Variants in LETM1 observed in about 807,000 individuals in gnomAD.
LETM1 encodes mitochondrial proton/calcium exchanger protein.
Under a neutral mutation model 74.5 loss-of-function variants are expected in LETM1, and 50 were observed. The observed-to-expected ratio is 0.67, with a 90% CI of 0.53 to 0.85. The LOEUF (loss-of-function observed/expected upper bound fraction) is 0.85, where lower values mean the gene tolerates loss of function less well. Among genes scored for constraint, LETM1 ranks in the 40% least tolerant of loss-of-function variants. The pLI is 0.00. For synonymous variants in LETM1, 446 were observed against 407.1 expected (o/e 1.10, Z -1.15); for missense variants, 824 against 967.8 (o/e 0.85, Z 1.97).
intron 6 of LETM1, among the ~76,000 whole-genome samples, chr4:1,830,788 C>T (rs1712238115): frequency 6.6e-6 from 1 of 152,144 alleles, no homozygotes; most frequent in South Asian, 2.1e-4. Flanking sequence ...CTCTAACTGT[C>T]ATCTCAGGGT....
rs1411521694 is a variant in LETM1, at chr4:1,816,899, T to G, written c.1759A>C (p.Lys587Gln). The part of the protein sequence containing the change: ...QDYSEDLQEI[K>Q]KELSKTGEEK... ...TCACCAGTCTTTGAAAGTTCCTTCTTGATCTCCTGCAAGTCCTAATAAAAT... is the reference window on the plus strand; with the variant it reads ...TCACCAGTCTTTGAAAGTTCCTTCTGGATCTCCTGCAAGTCCTAATAAAAT... The change falls in exon 12 of 14, where the codon AAG (lysine) becomes CAG (glutamine). Residue 587 changes from lysine to glutamine, a missense_variant. Physicochemically the swap from Lys to Gln is moderately conservative, Grantham distance 53. Around this residue, in one of 4 missense-constraint regions of LETM1, gnomAD observed 161 missense variants for 252.7 expected, o/e 0.64. Transcript: ENST00000302787. The G allele has an allele frequency of 1.2e-5, 20 of 1,613,012 alleles. No individual in the cohort carries two copies. Among genetic ancestry groups the G allele is most frequent in the Non-Finnish European group, 1.6e-5 (19 of 1,179,238 alleles).
At chr4:1,827,274 CTT>C (rs759264558) in intron 6 of LETM1, among the ~76,000 whole-genome samples, 4,899 of 103,684 alleles carry the variant, frequency 0.047, 278 homozygotes, top group African/African-American at 0.16. Flanking sequence ...ATTGACAGTT[CTT>C]TTTTTTTTTT....
At chr4:1,845,032 G>T (rs903469591) in intron 2 of LETM1, among the ~76,000 whole-genome samples, 1 of 150,860 alleles carries the variant, frequency 6.6e-6, no homozygotes. Flanking sequence ...TTTACTAAAA[G>T]TACAAAAATT....
At chr4:1,837,763 G>A (rs1577321770) in intron 3 of LETM1, among the ~76,000 whole-genome samples, 1 of 138,790 alleles carries the variant, frequency 7.2e-6, no homozygotes, top group South Asian at 2.2e-4. Flanking sequence ...GAGTGCAATC[G>A]CCTGATCTTG....
At chr4:1,847,905 A>T (rs1029892202) in intron 2 of LETM1, among the ~76,000 whole-genome samples, 1 of 150,856 alleles carries the variant, frequency 6.6e-6, no homozygotes, top group Non-Finnish European at 1.5e-5. Flanking sequence ...GCTGAGGCAG[A>T]TAACTGCTTG....
In LETM1 at chr4:1,813,491, G is replaced by C. The variant is rs1722527717; in HGVS notation, c.*933C>G. 6.6e-6 allele frequency: 1 copy of C among 152,374 alleles called. No individual in the cohort carries two copies. The highest frequency in any genetic ancestry group is 2.4e-5 in the African/African-American group (1 of 41,478). 9.4% of individuals were successfully genotyped at this position (152,374 alleles called of 1,614,324 possible). A position where few individuals can be genotyped will look rare whatever the true frequency, so the allele number is the denominator to read the frequency against. Reference sequence around the variant, plus strand: ...CCCTAAGCACGGGGGTATTGCCCTTGAAGCCCCAGGGGATGCCCTGTGCCG... The same window carrying C: ...CCCTAAGCACGGGGGTATTGCCCTTCAAGCCCCAGGGGATGCCCTGTGCCG... On this transcript the variant is annotated 3_prime_UTR_variant, in exon 14 of 14. Transcript: ENST00000302787.
Position 1,814,040 on chromosome 4 carries a change from C to G in LETM1, c.*384G>C. On this transcript the variant is annotated 3_prime_UTR_variant, in exon 14 of 14. Coordinates refer to ENST00000302787, the MANE Select transcript of LETM1 (RefSeq NM_012318.3). ...ACGCCCCTGAGGGTGGGCACAGCAG[C>G]CAGCTCTGTGTGGGCGGAGTCCACG... The G allele has an allele frequency of 4.1e-6, 1 of 244,340 alleles. No homozygotes were observed. Among genetic ancestry groups the G allele is most frequent in the Admixed American group, 4.8e-5 (1 of 20,940 alleles). The allele number at this position is 244,340 out of a possible 1,614,324, so 15.1% of individuals were successfully genotyped here.
chr4:1,854,230 C>T (rs1460759924), intron 1 of LETM1, among the ~76,000 whole-genome samples: 1 of 152,068 alleles, frequency 6.6e-6, no homozygotes, highest in Non-Finnish European at 1.5e-5. Flanking sequence ...GCCTGTAATC[C>T]CAGCACTTTG....
intron 7 of LETM1, 124 bp downstream of exon 7, chr4:1,825,440 G>A (rs1711949108): frequency 1.7e-6 from 2 of 1,201,564 alleles, no homozygotes; most frequent in African/African-American, 3.0e-5. Flanking sequence ...GCCGTCCCCA[G>A]AGAGGTCACA....
At chr4:1,828,333 C>G (rs1432664538) in intron 6 of LETM1, among the ~76,000 whole-genome samples, 1 of 125,028 alleles carries the variant, frequency 8.0e-6, no homozygotes, top group African/African-American at 3.3e-5. Context: ...GGGGCTGACC[C>G]CCCCCACCTC....
At chr4:1,819,530 C>T in intron 10 of LETM1, 58 bp from the exon 11 acceptor site, 1 of 1,555,258 alleles carries the variant, frequency 6.4e-7, no homozygotes, top group Non-Finnish European at 8.7e-7. Flanking sequence ...CTGGCCTGTT[C>T]CCAAGTGACC....
chr4:1,845,547 TTTC>T (rs1712853571), intron 2 of LETM1, among the ~76,000 whole-genome samples: 3 of 151,820 alleles, frequency 2.0e-5, no homozygotes, highest in Admixed American at 6.6e-5. Flanking sequence ...TTCTTTTTTT[TTTC>T]TTTTTTTTTT....
At position 1,834,856 on chromosome 4, in the gene LETM1, A is replaced by G; in HGVS notation, c.865T>C (p.Phe289Leu). Residue 289 changes from phenylalanine (F) to leucine (L), a missense_variant, in exon 5 of 14, where the codon TTT becomes CTT. Physicochemically the swap from Phe to Leu is conservative, Grantham distance 22 (BLOSUM62 0). Coordinates refer to ENST00000302787, the MANE Select transcript of LETM1 (RefSeq NM_012318.3). This position sits in a 1 kb window ranked among gnomAD's most constrained non-coding sequence, Gnocchi z 5.0. ...ACGTATCACAGCACCTTCTGGAAAA[A>G]CACAGAGAAGTCTTTGGTGGCGCTG... is the stretch of plus-strand genomic sequence containing the variant. ...KGSATKDFSVFFQKIRETGER... is the reference protein window; with the variant it reads ...KGSATKDFSVLFQKIRETGER... 6.2e-7 allele frequency: 1 copy of G among 1,614,122 alleles called. No individual in the cohort carries two copies. The highest frequency in any genetic ancestry group is 8.5e-7 in the Non-Finnish European group (1 of 1,180,004).
chr4:1,822,235 T>C lies in LETM1; in HGVS notation c.1554A>G (p.Thr518=). ...GTEPQPEMPD[T]VLQSETLKDT... ...CCTTCAAGGTCTCTGACTGCAGGAC[T>C]GTGTCAGGCATTTCTGGCTGTGGCT... The change falls in exon 10 of 14, where the codon ACA becomes ACG. Residue 518 remains threonine, a synonymous_variant. Coordinates refer to ENST00000302787, the MANE Select transcript of LETM1 (RefSeq NM_012318.3). 1 of 1,543,152 alleles carries C rather than the reference T, an allele frequency of 6.5e-7. No individual in the cohort carries two copies. The highest frequency in any genetic ancestry group is 1.4e-5 in the African/African-American group (1 of 72,444).
At chr4:1,824,691 C>T (rs1375989730) in intron 7 of LETM1, among the ~76,000 whole-genome samples, 3 of 152,198 alleles carry the variant, frequency 2.0e-5, no homozygotes, top group Non-Finnish European at 4.4e-5. Flanking sequence ...CCCTGGGGGC[C>T]GAGGGGCCTG....
At chr4:1,841,078 G>A (rs1044512037) in intron 3 of LETM1, among the ~76,000 whole-genome samples, 3 of 152,314 alleles carry the variant, frequency 2.0e-5, no homozygotes, top group South Asian at 2.1e-4. Context: ...GGCCCAGCAC[G>A]GTGGCTCACA....
rs185802188 is a variant in LETM1 at position 1,817,021 on chromosome 4, G to A, written c.1744-107C>T. The A allele has an allele frequency of 1.5e-3, 1,316 of 892,486 alleles. 6 individuals are homozygous for A. In the African/African-American group the frequency reaches 0.017, roughly 11 times the overall value. The allele number at this position is 892,486 out of a possible 1,614,324, so 55.3% of individuals were successfully genotyped here. On this transcript the variant is annotated intron_variant, in intron 11 of 13. Transcript: ENST00000302787. ...AGTACTTTGCAAGGCCAAGGCGGGC[G>A]GATCACCTGAGGTTAGGAGTTCGAG...
At chr4:1,850,435 G>A (rs1342011247) in intron 1 of LETM1, among the ~76,000 whole-genome samples, 2 of 152,136 alleles carry the variant, frequency 1.3e-5, no homozygotes, top group Admixed American at 6.5e-5. Context: ...GCTGGCTCTG[G>A]TGGAAACATG....
At chr4:1,839,013 T>C (rs1441506828) in intron 3 of LETM1, among the ~76,000 whole-genome samples, 6 of 152,180 alleles carry the variant, frequency 3.9e-5, no homozygotes, top group Admixed American at 6.5e-5. Flanking sequence ...GTTAAAAACA[T>C]AGGCACTGAA....
Sources: allele counts gnomAD v4.1 joint callset (sites outside exome capture counted in the v4.1 genomes callset), GRCh38; gene constraint gnomAD v4.1.1; regional missense constraint gnomAD v4.1.1; non-coding constraint Gnocchi (gnomAD v3.1); transcripts MANE v1.5; gene names NCBI Gene and HGNC (gene_info 2026-07-23, HGNC 2026-07-21).